FAM227B: variants seen among roughly 807,000 people sequenced by gnomAD.
FAM227B encodes the protein protein FAM227B.
FAM227B carries 88 observed loss-of-function variants against 73.8 expected under a neutral mutation model. The observed-to-expected ratio is 1.19, with a 90% CI of 1.00 to 1.42. FAM227B has a LOEUF of 1.42. FAM227B is among the 40% of genes most tolerant of loss of function. The pLI is 0.00. For synonymous variants in FAM227B, 210 were observed against 190.5 expected (o/e 1.10, Z -0.84); for missense variants, 632 against 590.9 (o/e 1.07, Z -0.72).
intron 11 of FAM227B, among the ~76,000 whole-genome samples, chr15:49,422,232 T>C (rs968682679): frequency 2.6e-5 from 4 of 152,116 alleles, no homozygotes; most frequent in Non-Finnish European, 1.5e-5. Flanking sequence ...AATTTTAATA[T>C]ACTTTCTTAA....
rs8035266 is a variant in FAM227B, at chr15:49,354,710, G to C, written c.1271+12738C>G. 5.3e-5 allele frequency among the ~76,000 whole-genome samples: 8 copies of C among 152,128 alleles called. 1 individual carries two copies. The South Asian group carries it at 1.2e-3, about 24-fold the overall frequency. On this transcript the variant is annotated intron_variant, in intron 13 of 15. Coordinates refer to ENST00000299338, the MANE Select transcript of FAM227B (RefSeq NM_152647.3). Reference sequence around the variant, plus strand: ...GCTTGATTAGGTAAACAAAACAGTCGGGAAGCTCGAACTGGGTGGAGCCCA... The same window carrying C: ...GCTTGATTAGGTAAACAAAACAGTCCGGAAGCTCGAACTGGGTGGAGCCCA...
chr15:49,408,419 T>C (rs918603410), intron 11 of FAM227B, among the ~76,000 whole-genome samples: 7 of 152,240 alleles, frequency 4.6e-5, no homozygotes, highest in African/African-American at 1.7e-4. Context: ...TCTTCACTCA[T>C]TATGCTTAGC....
chr15:49,402,102 A>G (rs1238278841), intron 11 of FAM227B, among the ~76,000 whole-genome samples: 1 of 152,184 alleles, frequency 6.6e-6, no homozygotes, highest in Non-Finnish European at 1.5e-5. Flanking sequence ...CTAAATGAGA[A>G]AAGGAAGAAC....
chr15:49,568,153 T>C, intron 9 of FAM227B, 92 bp downstream of exon 9: 1 of 1,142,738 alleles, frequency 8.8e-7, no homozygotes, highest in Non-Finnish European at 1.2e-6. Flanking sequence ...AGTAACAAAA[T>C]ATATTCTCAT....
At position 49,354,810 on chromosome 15, in the gene FAM227B, G is replaced by A. The variant is rs1395793571; in HGVS notation, c.1271+12638C>T. On this transcript the variant is annotated intron_variant, in intron 13 of 15. Coordinates refer to ENST00000299338, the MANE Select transcript of FAM227B (RefSeq NM_152647.3). ...CAGGGCACAGACAAACAAAAAGACA[G>A]CAGTAACCTCTGCAGACTTAAATGT... 5.8e-3 allele frequency among the ~76,000 whole-genome samples: 876 copies of A among 152,016 alleles called. 5 individuals are homozygous for A. The highest frequency in any genetic ancestry group is 0.02 in the African/African-American group (817 of 41,472).
At chr15:49,347,318 CAGA>C (rs2041652746) in intron 13 of FAM227B, among the ~76,000 whole-genome samples, 1 of 152,118 alleles carries the variant, frequency 6.6e-6, no homozygotes, top group African/African-American at 2.4e-5. Flanking sequence ...AAGTAGGAGA[CAGA>C]AGAACTATAA....
At chr15:49,470,447 A>G (rs528479901) in intron 11 of FAM227B, among the ~76,000 whole-genome samples, 1 of 152,262 alleles carries the variant, frequency 6.6e-6, no homozygotes, top group Admixed American at 6.5e-5. Flanking sequence ...TGATTTTCTT[A>G]TGCCAAATTT....
intron 11 of FAM227B, chr15:49,424,823 C>A (rs2049986626): frequency 3.3e-6 from 1 of 304,976 alleles, no homozygotes; most frequent in Non-Finnish European, 6.0e-6. Flanking sequence ...AATATATACT[C>A]CTTGTCCTGA....
At chr15:49,578,791 T>C (rs1015836690) in intron 5 of FAM227B, among the ~76,000 whole-genome samples, 1 of 152,040 alleles carries the variant, frequency 6.6e-6, no homozygotes, top group Non-Finnish European at 1.5e-5. Flanking sequence ...TCAATAAAGA[T>C]GGGGTCAGAA....
At chr15:49,587,849 G>T (rs2076261800) in intron 5 of FAM227B, among the ~76,000 whole-genome samples, 167 bp downstream of exon 5, 1 of 152,012 alleles carries the variant, frequency 6.6e-6, no homozygotes, top group African/African-American at 2.4e-5. Flanking sequence ...TACTGAGTAT[G>T]AAAAGAAAGT....
intron 10 of FAM227B, among the ~76,000 whole-genome samples, chr15:49,514,311 A>G (rs1008935408): frequency 1.3e-5 from 2 of 151,916 alleles, no homozygotes; most frequent in African/African-American, 2.4e-5. Context: ...GAGGTCTTTC[A>G]TGTCCCTTGT....
intron 11 of FAM227B, among the ~76,000 whole-genome samples, chr15:49,502,884 T>A (rs1451014989): frequency 1.3e-5 from 2 of 152,260 alleles, no homozygotes; most frequent in East Asian, 1.9e-4. Context: ...ACTTGGGACA[T>A]CCCCTTGGTG....
intron 6 of FAM227B, 52 bp from the exon 7 acceptor site, chr15:49,576,897 T>G: frequency 9.9e-7 from 1 of 1,014,520 alleles, no homozygotes; most frequent in Non-Finnish European, 1.5e-6. Context: ...CTTCTCACTA[T>G]AGTAGACTCA....
At chr15:49,329,906 A>G (rs2038296789) in intron 15 of FAM227B, 2 of 267,864 alleles carry the variant, frequency 7.5e-6, no homozygotes, top group African/African-American at 4.6e-5. Flanking sequence ...AAAATTTCCA[A>G]TGTGCACTCT....
intron 11 of FAM227B, among the ~76,000 whole-genome samples, chr15:49,375,953 T>C (rs938342703): frequency 1.2e-4 from 18 of 152,208 alleles, no homozygotes; most frequent in African/African-American, 4.3e-4. Context: ...TAACCATCTT[T>C]GTATTAGTGA....
Position 49,589,955 on chromosome 15 carries a change from G to C in FAM227B, c.158C>G (p.Thr53Ser), listed in dbSNP as rs1226287185. Residue 53 changes from threonine (T) to serine (S), a missense_variant, in exon 4 of 16, where the codon ACT becomes AGT. Physicochemically the swap from Thr to Ser is moderately conservative, Grantham distance 58 (BLOSUM62 1). Coordinates refer to ENST00000299338, the MANE Select transcript of FAM227B (RefSeq NM_152647.3). Reference sequence around the variant, plus strand: ...ACTATCTTCTTTTATTTTTTTCAGAGTGCATGACCATTTATCATCATCTCT... The same window carrying C: ...ACTATCTTCTTTTATTTTTTTCAGACTGCATGACCATTTATCATCATCTCT... Reference protein sequence around the residue: ...HFRDDDKWSCTLKKIKEDSSF... With the variant: ...HFRDDDKWSCSLKKIKEDSSF... 1.2e-6 allele frequency: 2 copies of C among 1,608,340 alleles called. No homozygotes were observed. Among genetic ancestry groups the C allele is most frequent in the Non-Finnish European group, 1.7e-6 (2 of 1,175,156 alleles).
chr15:49,555,527 T>C lies in FAM227B; in HGVS notation c.747+12718A>G, dbSNP rs148398654. Among the ~76,000 whole-genome samples, 147 of 152,366 alleles carry C rather than the reference T, an allele frequency of 9.6e-4. 1 individual carries two copies. The highest frequency in any genetic ancestry group is 1.7e-3 in the Non-Finnish European group (119 of 68,038). On this transcript the variant is annotated intron_variant, in intron 9 of 15. Coordinates refer to ENST00000299338, the MANE Select transcript of FAM227B (RefSeq NM_152647.3). ...TGGAGAATCTGATGACTATGTGACT[T>C]GGATATGGTCTTCTTGTATAGTATT...
At chr15:49,520,799 C>T (rs776782122) in intron 10 of FAM227B, among the ~76,000 whole-genome samples, 3 of 151,998 alleles carry the variant, frequency 2.0e-5, no homozygotes, top group African/African-American at 7.3e-5. Context: ...ATGAGATTTG[C>T]GTGGGGACAC....
At chr15:49,515,681 T>C (rs1424455667) in intron 10 of FAM227B, among the ~76,000 whole-genome samples, 1 of 152,180 alleles carries the variant, frequency 6.6e-6, no homozygotes, top group Non-Finnish European at 1.5e-5. Context: ...CTTGTTGCTA[T>C]TATTACTTTT....
Sources: gnomAD v4.1 joint callset for allele counts (sites outside exome capture counted in the v4.1 genomes callset) on GRCh38, gnomAD v4.1.1 for gene constraint, MANE v1.5 for transcripts, NCBI Gene and HGNC (gene_info 2026-07-23, HGNC 2026-07-21) for gene names.